MORN1: variants seen among roughly 807,000 people sequenced by gnomAD.
The protein encoded by MORN1 is MORN repeat-containing protein 1.
Under a neutral mutation model 61.9 loss-of-function variants are expected in MORN1, and 67 were observed. That is an observed-to-expected ratio of 1.08 (90% confidence interval 0.89 to 1.33). The LOEUF is 1.33. Among genes scored for constraint, MORN1 ranks in the 40% most tolerant of loss-of-function variants. The pLI, the probability that MORN1 is intolerant of heterozygous loss-of-function variation, is 0.00. For synonymous variants in MORN1, 301 were observed against 292.0 expected (o/e 1.03, Z -0.31); for missense variants, 752 against 691.2 (o/e 1.09, Z -0.99).
Position 2,372,244 on chromosome 1 carries a change from T to C in MORN1, c.745+237A>G, listed in dbSNP as rs2100337453. The C allele has an allele frequency of 2.0e-6, 1 of 493,704 alleles. No individual in the cohort carries two copies. Among genetic ancestry groups the C allele is most frequent in the Non-Finnish European group, 3.7e-6 (1 of 268,846 alleles). 30.6% of individuals were successfully genotyped at this position (493,704 alleles called of 1,614,324 possible). A position where few individuals can be genotyped will look rare whatever the true frequency, so the allele number is the denominator to read the frequency against. On this transcript the variant is annotated intron_variant, in intron 8 of 13. Coordinates refer to ENST00000378531, the MANE Select transcript of MORN1 (RefSeq NM_024848.3). This position sits in a 1 kb window ranked among gnomAD's most constrained non-coding sequence, Gnocchi z 5.4. ...AGGCATACACACATATGCACACACA[T>C]ACAGGAGCACGCACATCACACAATA...
intron 10 of MORN1, among the ~76,000 whole-genome samples, chr1:2,354,921 G>C (rs189802793): frequency 6.6e-6 from 1 of 152,184 alleles, no homozygotes; most frequent in Non-Finnish European, 1.5e-5. Flanking sequence ...ACAAAAGCAC[G>C]TTCCTCTAGG....
At chr1:2,358,420 T>G (rs1641823628) in intron 9 of MORN1, among the ~76,000 whole-genome samples, 172 bp downstream of exon 9, 1 of 151,932 alleles carries the variant, frequency 6.6e-6, no homozygotes, top group Non-Finnish European at 1.5e-5. Context: ...CAGCAGAGGG[T>G]CAGGTACTGA....
In MORN1 at chr1:2,322,514, G is replaced by T. The variant is rs1027755222; in HGVS notation, c.1298-935C>A. 6.1e-6 allele frequency: 6 copies of T among 985,232 alleles called. No individual in the cohort carries two copies. The African/African-American group carries it at 8.7e-5, about 14-fold the overall frequency. The allele number at this position is 985,232 out of a possible 1,614,324, so 61.0% of individuals were successfully genotyped here. A position where few individuals can be genotyped will look rare whatever the true frequency, so the allele number is the denominator to read the frequency against. On this transcript the variant is annotated intron_variant, in intron 13 of 13. Coordinates refer to ENST00000378531, the MANE Select transcript of MORN1 (RefSeq NM_024848.3). ...CAGGGCTGGACAAGAGCAAGCCTCG[G>T]GGGCCGGGAGGAATGTGCTTGGCCC...
At chr1:2,359,416 C>T (rs755510859) in intron 8 of MORN1, among the ~76,000 whole-genome samples, 13 of 152,206 alleles carry the variant, frequency 8.5e-5, no homozygotes, top group Non-Finnish European at 1.8e-4. Flanking sequence ...ACACCACTGT[C>T]CCTCTGAGTT....
rs1296989115 is a variant in MORN1 at position 2,363,083 on chromosome 1, A to T, written c.746-4368T>A. 3 of 152,232 alleles carry T rather than the reference A, an allele frequency of 2.0e-5. No homozygotes were observed. In the East Asian group the frequency reaches 5.8e-4, roughly 29 times the overall value. The allele number at this position is 152,232 out of a possible 1,614,324, so 9.4% of individuals were successfully genotyped here. A position where few individuals can be genotyped will look rare whatever the true frequency, so the allele number is the denominator to read the frequency against. ...AGAGACTGCTTACTGTTTATTAAGTACACATTAAAACCTAAGTGGTCATTT... is the reference window on the plus strand; with the variant it reads ...AGAGACTGCTTACTGTTTATTAAGTTCACATTAAAACCTAAGTGGTCATTT... On this transcript the variant is annotated intron_variant, in intron 8 of 13. Transcript: ENST00000378531.
chr1:2,390,493 CT>C, intron 1 of MORN1: 1 of 985,448 alleles, frequency 1.0e-6, no homozygotes, highest in Non-Finnish European at 1.2e-6. Flanking sequence ...GCTTCATCTC[CT>C]CCTAGTTGCT....
At chr1:2,359,203 C>A (rs2100308735) in intron 8 of MORN1, among the ~76,000 whole-genome samples, 1 of 152,272 alleles carries the variant, frequency 6.6e-6, no homozygotes, top group African/African-American at 2.4e-5. Context: ...ATCACCCTGG[C>A]AGATAGCAGG....
At chr1:2,390,329 T>A in intron 1 of MORN1, 1 of 802,408 alleles carries the variant, frequency 1.2e-6, no homozygotes, top group Non-Finnish European at 1.5e-6. Flanking sequence ...GGAGCCTTGT[T>A]GCAGGAGATG....
rs56199918 is a variant in MORN1 at position 2,374,479 on chromosome 1, T to C, written c.616A>G (p.Ile206Val). 4,269 of 1,599,348 alleles carry C rather than the reference T, an allele frequency of 2.7e-3. 16 individuals carry two copies. Among genetic ancestry groups the C allele is most frequent in the Non-Finnish European group, 2.7e-3 (3,118 of 1,173,716 alleles). The change falls in exon 7 of 14, where the codon ATC (isoleucine) becomes GTC (valine). Residue 206 changes from isoleucine (I) to valine (V), a missense_variant. By Grantham distance (29) the Ile-to-Val change is conservative. Transcript: ENST00000378531. ...CSGVTYYGLWINGHPAEQATR... is the reference protein window; with the variant it reads ...CSGVTYYGLWVNGHPAEQATR... The stretch of plus-strand genomic sequence containing the variant: ...CACCTACCTGCTGGGTGGCCATTGA[T>C]CCACAACCCATAATAGGTGACCCCT...
At chr1:2,389,588 T>G (rs2100382249) in intron 2 of MORN1, among the ~76,000 whole-genome samples, 2 of 152,368 alleles carry the variant, frequency 1.3e-5, no homozygotes, top group South Asian at 4.1e-4. Flanking sequence ...CTTTCTTTCT[T>G]CTATTACTTG....
chr1:2,322,976 G>A (rs566125368), intron 13 of MORN1: 111 of 985,332 alleles, frequency 1.1e-4, no homozygotes, highest in Non-Finnish European at 1.3e-4. Flanking sequence ...TACGTACATG[G>A]CTTAGCCCCA....
chr1:2,329,573 A>T (rs1641104122), intron 12 of MORN1, among the ~76,000 whole-genome samples: 1 of 152,114 alleles, frequency 6.6e-6, no homozygotes, highest in Non-Finnish European at 1.5e-5. Context: ...GTGCAGCCTG[A>T]GACCCACTGC....
chr1:2,321,294 G>T lies in MORN1; in HGVS notation c.*89C>A. On this transcript the variant is annotated 3_prime_UTR_variant, in exon 14 of 14. Coordinates refer to ENST00000378531, the MANE Select transcript of MORN1 (RefSeq NM_024848.3). ...TTTTATTCAAGCCAGCAACCACGGGGCTCTGGAGAATCGGGGAGCAGAGTC... is the reference window on the plus strand; with the variant it reads ...TTTTATTCAAGCCAGCAACCACGGGTCTCTGGAGAATCGGGGAGCAGAGTC... The T allele has an allele frequency of 2.0e-6, 2 of 1,010,836 alleles. No individual in the cohort carries two copies. Among genetic ancestry groups the T allele is most frequent in the Non-Finnish European group, 2.8e-6 (2 of 718,460 alleles). The allele number at this position is 1,010,836 out of a possible 1,614,324, so 62.6% of individuals were successfully genotyped here.
chr1:2,367,126 T>C (rs551089585), intron 8 of MORN1, among the ~76,000 whole-genome samples: 1 of 152,130 alleles, frequency 6.6e-6, no homozygotes, highest in South Asian at 2.1e-4. Context: ...TCCCGAAAAT[T>C]GAAGAGAGAA....
intron 6 of MORN1, among the ~76,000 whole-genome samples, chr1:2,384,223 A>G (rs1642435459): frequency 6.6e-6 from 1 of 152,112 alleles, no homozygotes; most frequent in Non-Finnish European, 1.5e-5. Flanking sequence ...CAATGCTCAG[A>G]CCGAAAGCTC....
intron 12 of MORN1, 70 bp from the exon 13 acceptor site, chr1:2,324,213 G>C: frequency 6.7e-7 from 1 of 1,485,998 alleles, no homozygotes; most frequent in Non-Finnish European, 9.2e-7. Context: ...TCCCTGACCT[G>C]AACCAGGGCT....
chr1:2,358,580 A>G lies in MORN1; in HGVS notation c.869+12T>C. On this transcript the variant is annotated intron_variant, in intron 9 of 13. Coordinates refer to ENST00000378531, the MANE Select transcript of MORN1 (RefSeq NM_024848.3). Reference sequence around the variant, plus strand: ...AACTCAGAACTAACTCATTGGTGTCACACGTACTCACAATGGGGTCTGGAT... The same window carrying G: ...AACTCAGAACTAACTCATTGGTGTCGCACGTACTCACAATGGGGTCTGGAT... 6.2e-7 allele frequency: 1 copy of G among 1,614,090 alleles called. No individual in the cohort carries two copies. Among genetic ancestry groups the G allele is most frequent in the Non-Finnish European group, 8.5e-7 (1 of 1,179,950 alleles).
intron 12 of MORN1, chr1:2,326,285 G>A (rs925039420): frequency 9.2e-5 from 14 of 152,278 alleles, no homozygotes; most frequent in African/African-American, 3.4e-4. Flanking sequence ...AGACACAGGA[G>A]TGCGGGCGAG....
intron 13 of MORN1, chr1:2,323,448 G>A (rs981950785): frequency 1.5e-5 from 15 of 985,280 alleles, no homozygotes; most frequent in Admixed American, 6.1e-5. Context: ...TCCATTCTCC[G>A]TCAGGCAGCC....
Sources: allele counts gnomAD v4.1 joint callset (sites outside exome capture counted in the v4.1 genomes callset), GRCh38; gene constraint gnomAD v4.1.1; non-coding constraint Gnocchi (gnomAD v3.1); transcripts MANE v1.5; gene names NCBI Gene and HGNC (gene_info 2026-07-23, HGNC 2026-07-21).